TNFRSF8: variants seen among roughly 807,000 people sequenced by gnomAD.
TNFRSF8 encodes the protein TNF receptor superfamily member 8, also known as tumor necrosis factor receptor superfamily member 8.
A neutral mutation model predicts 70.8 loss-of-function variants in TNFRSF8; 26 were observed. That is an observed-to-expected ratio of 0.37 (90% CI 0.27 to 0.51). The LOEUF is 0.51. Ranked by LOEUF, TNFRSF8 falls within the 20% of genes least tolerant of loss-of-function variation. TNFRSF8 has a pLI of 0.94. For missense variants in TNFRSF8, 720 were observed against 807.9 expected (o/e 0.89, Z 1.32); for synonymous variants, 356 against 339.2 (o/e 1.05, Z -0.54).
chr1:12,064,568 G>A (rs999295375), intron 1 of TNFRSF8, among the ~76,000 whole-genome samples: 1 of 152,156 alleles, frequency 6.6e-6, no homozygotes, highest in African/African-American at 2.4e-5. Flanking sequence ...GGTGGGTCAC[G>A]GTGGGGGAGA....
intron 4 of TNFRSF8, among the ~76,000 whole-genome samples, chr1:12,106,365 C>T (rs979652000): frequency 6.6e-6 from 1 of 152,154 alleles, no homozygotes; most frequent in Non-Finnish European, 1.5e-5. Context: ...GAGCTCTCCA[C>T]CCCACTTCCT....
chr1:12,084,531 GC>G lies in TNFRSF8; in HGVS notation c.132del (p.Cys45ValfsTer41), dbSNP rs778120845. On this transcript the variant is annotated frameshift_variant, in exon 2 of 15. Transcript: ENST00000263932. LOFTEE classifies it high-confidence loss of function. ...TACTATGACAAGGCTGTCAGGAGGT[GC>G]TGTTACCGCTGCCCCATGGGTGAGT... ...SHYYDKAVRR[C>X]CYRCPMGLFP... is the part of the protein sequence containing the mutation. The G allele has an allele frequency of 6.2e-7, 1 of 1,614,040 alleles. No homozygotes were observed. The highest frequency in any genetic ancestry group is 1.1e-5 in the South Asian group (1 of 91,072).
intron 2 of TNFRSF8, among the ~76,000 whole-genome samples, chr1:12,092,896 C>T (rs1023158722): frequency 5.3e-5 from 8 of 152,072 alleles, no homozygotes; most frequent in South Asian, 2.1e-4. Flanking sequence ...ACCTCCACCT[C>T]CCAGGTTCAA....
At chr1:12,127,969 G>A (rs917448750) in intron 12 of TNFRSF8, among the ~76,000 whole-genome samples, 4 of 152,184 alleles carry the variant, frequency 2.6e-5, no homozygotes, top group Admixed American at 2.6e-4. Flanking sequence ...CTTCTGGTGG[G>A]ACCTTGGGGT....
chr1:12,095,909 G>A (rs1641323632), intron 2 of TNFRSF8, among the ~76,000 whole-genome samples: 1 of 152,216 alleles, frequency 6.6e-6, no homozygotes, highest in Admixed American at 6.5e-5. Flanking sequence ...TGGCTTCTGA[G>A]TCACCTCCTT....
chr1:12,132,527 G>A lies in TNFRSF8; in HGVS notation c.1310-3061G>A, dbSNP rs978627908. Among the ~76,000 whole-genome samples, 9 of 152,312 alleles carry A rather than the reference G, an allele frequency of 5.9e-5. No individual in the cohort carries two copies. In the East Asian group the frequency reaches 1.5e-3, roughly 26 times the overall value. ...ATTGGGGGAAGAAGACCACAGAGGT[G>A]AAACGTCATGCTCATCACATCAAAT... On this transcript the variant is annotated intron_variant, in intron 12 of 14. Transcript: ENST00000263932.
intron 3 of TNFRSF8, among the ~76,000 whole-genome samples, chr1:12,102,326 C>T (rs1474626167): frequency 6.6e-6 from 1 of 152,180 alleles, no homozygotes; most frequent in Admixed American, 6.5e-5. Context: ...TGATGAGGAG[C>T]TATCCAGAGC....
At chr1:12,071,044 G>A (rs1193080344) in intron 1 of TNFRSF8, among the ~76,000 whole-genome samples, 1 of 152,088 alleles carries the variant, frequency 6.6e-6, no homozygotes, top group East Asian at 1.9e-4. Context: ...CCCAAGCCTA[G>A]GCTCTTTTAT....
rs1642277374 is a variant in TNFRSF8 at position 12,142,636 on chromosome 1, C to T, written c.*105C>T. 7.0e-7 allele frequency: 1 copy of T among 1,421,358 alleles called. No individual in the cohort carries two copies. Among genetic ancestry groups the T allele is most frequent in the African/African-American group, 1.4e-5 (1 of 69,900 alleles). 88.0% of individuals were successfully genotyped at this position (1,421,358 alleles called of 1,614,324 possible). A position where few individuals can be genotyped will look rare whatever the true frequency, so the allele number is the denominator to read the frequency against. ...GGGGCAGAGGCCCATCTGGCCTGAACTGAGGCTCCAGCATCTAGTGGTGGA... is the reference window on the plus strand; with the variant it reads ...GGGGCAGAGGCCCATCTGGCCTGAATTGAGGCTCCAGCATCTAGTGGTGGA... On this transcript the variant is annotated 3_prime_UTR_variant, in exon 15 of 15. Coordinates refer to ENST00000263932, the MANE Select transcript of TNFRSF8 (RefSeq NM_001243.5). The surrounding 1 kb of genome is among the most constrained non-coding windows in gnomAD (Gnocchi z 5.0).
Position 12,142,243 on chromosome 1 carries a change from T to G in TNFRSF8, c.1544-44T>G, listed in dbSNP as rs1642265810. ...TCTGCCTCTTTGCTCCCATCCTGGC[T>G]GGTGCTCTGGCCTCCCTCGCTCACC... is the stretch of plus-strand genomic sequence containing the variant. On this transcript the variant is annotated intron_variant, in intron 14 of 14. Transcript: ENST00000263932. This position sits in a 1 kb window ranked among gnomAD's most constrained non-coding sequence, Gnocchi z 5.0. 6.6e-7 allele frequency: 1 copy of G among 1,520,456 alleles called. No individual in the cohort carries two copies. The highest frequency in any genetic ancestry group is 8.9e-7 in the Non-Finnish European group (1 of 1,128,576). The allele number at this position is 1,520,456 out of a possible 1,614,324, so 94.2% of individuals were successfully genotyped here.
Position 12,123,728 on chromosome 1 carries a change from CAG to C in TNFRSF8, c.1057_1058del (p.Ser353LeufsTer9). On this transcript the variant is annotated frameshift_variant, in exon 10 of 15. Coordinates refer to ENST00000263932, the MANE Select transcript of TNFRSF8 (RefSeq NM_001243.5). LOFTEE classifies it high-confidence loss of function. ...GEAPASTSPT[Q>X]SLLVDSQASK... Reference sequence around the variant, plus strand: ...TTCTCCCCGCAGCACCAGCCCCACTCAGAGCTTGCTGGTGGACTCCCAGGCCA... The same window carrying C: ...TTCTCCCCGCAGCACCAGCCCCACTCAGCTTGCTGGTGGACTCCCAGGCCA... 6.4e-7 allele frequency: 1 copy of C among 1,565,454 alleles called. No individual in the cohort carries two copies. The highest frequency in any genetic ancestry group is 8.7e-7 in the Non-Finnish European group (1 of 1,154,462).
chr1:12,095,581 C>T (rs1641319369), intron 2 of TNFRSF8, among the ~76,000 whole-genome samples: 1 of 152,244 alleles, frequency 6.6e-6, no homozygotes, highest in Non-Finnish European at 1.5e-5. Flanking sequence ...AGCCACCGCA[C>T]CCGGCCTGTT....
chr1:12,080,840 G>C (rs557108653), intron 1 of TNFRSF8, among the ~76,000 whole-genome samples: 1 of 152,076 alleles, frequency 6.6e-6, no homozygotes, highest in Non-Finnish European at 1.5e-5. Context: ...GACTACAGGC[G>C]TGAGCCACCG....
chr1:12,125,466 G>A (rs1641921083), intron 10 of TNFRSF8, among the ~76,000 whole-genome samples: 1 of 152,142 alleles, frequency 6.6e-6, no homozygotes, highest in Non-Finnish European at 1.5e-5. Flanking sequence ...ATTCATTCAG[G>A]GAACGCTTGT....
chr1:12,125,903 TG>T (rs765790922), intron 10 of TNFRSF8, 47 bp from the exon 11 acceptor site: 2 of 1,482,792 alleles, frequency 1.3e-6, no homozygotes, highest in South Asian at 2.3e-5. Context: ...GGGGCTGTCT[TG>T]TGTGGTTGCA....
chr1:12,080,395 C>T lies in TNFRSF8; in HGVS notation c.64-4069C>T, dbSNP rs952156121. On this transcript the variant is annotated intron_variant, in intron 1 of 14. Coordinates refer to ENST00000263932, the MANE Select transcript of TNFRSF8 (RefSeq NM_001243.5). ...AGAGCTTTGTCACAGCCTGTTTGCT[C>T]TGGTACTTGTTGGCTTTAACATCCA... is the stretch of plus-strand genomic sequence containing the variant. 2.1e-4 allele frequency: 111 copies of T among 525,906 alleles called. 1 individual carries two copies. The highest frequency in any genetic ancestry group is 1.7e-3 in the African/African-American group (87 of 52,164). 32.6% of individuals were successfully genotyped at this position (525,906 alleles called of 1,614,324 possible). A position where few individuals can be genotyped will look rare whatever the true frequency, so the allele number is the denominator to read the frequency against.
intron 1 of TNFRSF8, among the ~76,000 whole-genome samples, chr1:12,073,560 CCCTTT>C (rs1640885433): frequency 6.7e-6 from 1 of 149,966 alleles, no homozygotes; most frequent in South Asian, 2.2e-4. Flanking sequence ...TTTTCCCTTT[CCCTTT>C]CCTTTTCCCT....
chr1:12,090,105 T>C (rs902182702), intron 2 of TNFRSF8, among the ~76,000 whole-genome samples: 22 of 144,098 alleles, frequency 1.5e-4, no homozygotes, highest in African/African-American at 5.7e-4. Context: ...AACCCATCCA[T>C]CTATCCACCC....
chr1:12,141,608 A>T lies in TNFRSF8; in HGVS notation c.1544-679A>T, dbSNP rs1223448978. ...CTATTGAGGGGGCCGGGTTTTCTGCAGGATGTGACAGGCTGGCTGAGTTTG... is the reference window on the plus strand; with the variant it reads ...CTATTGAGGGGGCCGGGTTTTCTGCTGGATGTGACAGGCTGGCTGAGTTTG... On this transcript the variant is annotated intron_variant, in intron 14 of 14. Transcript: ENST00000263932. The surrounding 1 kb of genome is among the most constrained non-coding windows in gnomAD (Gnocchi z 5.4). Among the ~76,000 whole-genome samples the T allele has an allele frequency of 6.6e-6, 1 of 152,230 alleles. No individual in the cohort carries two copies. The highest frequency in any genetic ancestry group is 1.5e-5 in the Non-Finnish European group (1 of 68,040).
Sources: gnomAD v4.1 joint callset for allele counts (sites outside exome capture counted in the v4.1 genomes callset) on GRCh38, gnomAD v4.1.1 for gene constraint, Gnocchi (gnomAD v3.1) non-coding constraint, MANE v1.5 for transcripts, NCBI Gene and HGNC (gene_info 2026-07-23, HGNC 2026-07-21) for gene names.